Variants in ADAMTSL1 observed in about 807,000 individuals in gnomAD.
ADAMTSL1 encodes ADAMTS-like protein 1.
A neutral mutation model predicts 201.8 loss-of-function variants in ADAMTSL1; 126 were observed. The observed-to-expected ratio is 0.62, with a 90% confidence interval of 0.54 to 0.72. The LOEUF (loss-of-function observed/expected upper bound fraction) is 0.72, where lower values mean the gene tolerates loss of function less well. Ranked by LOEUF, ADAMTSL1 falls within the 30% of genes least tolerant of loss-of-function variation. The pLI is 0.00. For synonymous variants in ADAMTSL1, 1,121 were observed against 903.4 expected (o/e 1.24, Z -4.32); for missense variants, 2,679 against 2,277.8 (o/e 1.18, Z -3.59).
intron 1 of ADAMTSL1, 93 bp downstream of exon 1, chr9:18,474,388 T>C: frequency 1.6e-6 from 2 of 1,239,900 alleles, no homozygotes; most frequent in Non-Finnish European, 2.4e-6. Context: ...TGTGTGTGTG[T>C]GTGTCTTTAT....
intron 4 of ADAMTSL1, among the ~76,000 whole-genome samples, chr9:18,603,954 G>C (rs560647556): frequency 1.3e-5 from 2 of 152,316 alleles, no homozygotes; most frequent in Admixed American, 1.3e-4. Context: ...ACTTTCTGCA[G>C]AAAGGGTGCT....
intron 9 of ADAMTSL1, among the ~76,000 whole-genome samples, chr9:18,672,132 TG>T (rs1829857491): frequency 6.6e-6 from 1 of 151,522 alleles, no homozygotes; most frequent in African/African-American, 2.4e-5. Flanking sequence ...TAGAGAGAGA[TG>T]TATCTCAATA....
At chr9:18,352,518 G>A (rs1563906517) in intron 2 of ADAMTSL1, among the ~76,000 whole-genome samples, 1 of 152,118 alleles carries the variant, frequency 6.6e-6, no homozygotes, top group African/African-American at 2.4e-5. Flanking sequence ...CTTCTCTCTG[G>A]ACAGCCAGCT....
At chr9:18,677,424 A>G (rs894587272) in intron 10 of ADAMTSL1, among the ~76,000 whole-genome samples, 5 of 152,078 alleles carry the variant, frequency 3.3e-5, no homozygotes, top group African/African-American at 1.2e-4. Flanking sequence ...TAACTGAACT[A>G]AGATTTCATT....
chr9:18,617,310 A>G (rs552874882), intron 4 of ADAMTSL1, among the ~76,000 whole-genome samples: 1 of 152,324 alleles, frequency 6.6e-6, no homozygotes, highest in South Asian at 2.1e-4. Context: ...TAATGAAGAC[A>G]TTTTATTAAA....
intron 1 of ADAMTSL1, among the ~76,000 whole-genome samples, chr9:17,972,814 C>T (rs1341126910): frequency 7.0e-6 from 1 of 142,368 alleles, no homozygotes; most frequent in Non-Finnish European, 1.5e-5. Flanking sequence ...TCCACATCCT[C>T]TCCAGCACCT....
chr9:18,072,875 A>G (rs1316494870), intron 1 of ADAMTSL1, among the ~76,000 whole-genome samples: 1 of 152,192 alleles, frequency 6.6e-6, no homozygotes, highest in African/African-American at 2.4e-5. Context: ...TTTTCCAAAG[A>G]TGAGACGATA....
At chr9:18,170,669 C>A (rs1018215485) in intron 2 of ADAMTSL1, among the ~76,000 whole-genome samples, 1 of 151,930 alleles carries the variant, frequency 6.6e-6, no homozygotes, top group African/African-American at 2.4e-5. Context: ...AAAGAAAAAG[C>A]CTGGATTGTT....
chr9:18,774,298 C>A (rs193079797), intron 17 of ADAMTSL1, among the ~76,000 whole-genome samples: 286 of 152,220 alleles, frequency 1.9e-3, no homozygotes, highest in African/African-American at 6.2e-3. Flanking sequence ...CAATTACAAA[C>A]CTCTTGTCTG....
At chr9:18,198,186 A>G (rs1829271970) in intron 2 of ADAMTSL1, among the ~76,000 whole-genome samples, 1 of 151,940 alleles carries the variant, frequency 6.6e-6, no homozygotes, top group East Asian at 1.9e-4. Flanking sequence ...ACCATTCAGG[A>G]CATAGGCATG....
intron 2 of ADAMTSL1, among the ~76,000 whole-genome samples, chr9:18,404,265 A>T (rs1041905643): frequency 1.3e-5 from 2 of 152,182 alleles, no homozygotes; most frequent in East Asian, 3.9e-4. Context: ...TCCTCAATTT[A>T]TTGGGCATGA....
intron 2 of ADAMTSL1, among the ~76,000 whole-genome samples, chr9:18,458,736 A>G (rs886562213): frequency 6.6e-6 from 1 of 152,186 alleles, no homozygotes; most frequent in Non-Finnish European, 1.5e-5. Context: ...ATCCTGAGTG[A>G]CTTTAAAAGG....
In ADAMTSL1 at chr9:18,498,042, G is replaced by A. The variant is rs536107833; in HGVS notation, c.64-6787G>A. Among the ~76,000 whole-genome samples, 14 of 152,186 alleles carry A rather than the reference G, an allele frequency of 9.2e-5. No homozygotes were observed. In the South Asian group the frequency reaches 1.4e-3, roughly 16 times the overall value. On this transcript the variant is annotated intron_variant, in intron 1 of 28. Coordinates refer to ENST00000380548, the MANE Select transcript of ADAMTSL1 (RefSeq NM_001040272.6). ...GACAAAATAATTTTTTAGAAGAAAA[G>A]CAACACCATTCATTGTCATTTTATA...
At chr9:18,027,432 A>ATT (rs552237153) in intron 1 of ADAMTSL1, among the ~76,000 whole-genome samples, 3 of 146,292 alleles carry the variant, frequency 2.1e-5, no homozygotes, top group Middle Eastern at 3.6e-3. Context: ...TATTTCAAAG[A>ATT]TTTTTTTTTT....
At position 18,548,095 on chromosome 9, in the gene ADAMTSL1, G is replaced by A. The variant is rs113264948; in HGVS notation, c.237+14803G>A. 3.1e-3 allele frequency among the ~76,000 whole-genome samples: 467 copies of A among 152,092 alleles called. 3 individuals are homozygous for A. The highest frequency in any genetic ancestry group is 0.01 in the African/African-American group (435 of 41,508). ...ATAAAGTCAATCCTCTTTATTGATG[G>A]ATGCTTGCAATTGTGAATTGTCTAC... On this transcript the variant is annotated intron_variant, in intron 3 of 28. Coordinates refer to ENST00000380548, the MANE Select transcript of ADAMTSL1 (RefSeq NM_001040272.6).
chr9:18,529,991 A>G (rs928577446), intron 2 of ADAMTSL1, among the ~76,000 whole-genome samples: 4 of 152,174 alleles, frequency 2.6e-5, no homozygotes. Context: ...GATATCTCCT[A>G]TTATTCAGTG....
chr9:18,015,481 T>C (rs2131568067), intron 1 of ADAMTSL1, among the ~76,000 whole-genome samples: 1 of 152,200 alleles, frequency 6.6e-6, no homozygotes, highest in South Asian at 2.1e-4. Flanking sequence ...GACATTTTGA[T>C]CCTAGAGCTC....
At chr9:18,018,423 T>A (rs1336359891) in intron 1 of ADAMTSL1, among the ~76,000 whole-genome samples, 2 of 152,128 alleles carry the variant, frequency 1.3e-5, no homozygotes, top group Non-Finnish European at 2.9e-5. Context: ...TATGGACTCC[T>A]TTTGAATGAA....
At chr9:18,252,642 A>G (rs1030837056) in intron 2 of ADAMTSL1, among the ~76,000 whole-genome samples, 3 of 152,296 alleles carry the variant, frequency 2.0e-5, no homozygotes, top group Middle Eastern at 3.4e-3. Flanking sequence ...AAAATTTTCT[A>G]TCCACGGTTG....
Sources: gnomAD v4.1 joint callset for allele counts (sites outside exome capture counted in the v4.1 genomes callset) on GRCh38, gnomAD v4.1.1 for gene constraint, MANE v1.5 for transcripts, NCBI Gene and HGNC (gene_info 2026-07-23, HGNC 2026-07-21) for gene names.